The following TPH2 variants were observed in gnomAD, a reference collection of about 807,000 sequenced individuals.
TPH2 encodes tryptophan 5-hydroxylase 2.
In TPH2, 27 loss-of-function variants were observed where a neutral mutation model predicts 59.1. The observed-to-expected ratio is 0.46, with a 90% CI of 0.34 to 0.63. TPH2 has a LOEUF of 0.63. Among genes scored for constraint, TPH2 ranks in the 30% least tolerant of loss-of-function variants. TPH2 has a pLI of 0.01. For synonymous variants in TPH2, 220 were observed against 210.5 expected, an observed-to-expected ratio of 1.05 and a Z score of -0.39; for missense variants, 523 against 588.3, an observed-to-expected ratio of 0.89 and a Z score of 1.15.
At chr12:71,966,997 C>A (rs11179015) in intron 5 of TPH2, among the ~76,000 whole-genome samples, 1 of 151,990 alleles carries the variant, frequency 6.6e-6, no homozygotes, top group Admixed American at 6.6e-5. Flanking sequence ...GCTGTTGGAC[C>A]GCTGGAGGAG....
chr12:72,001,545 C>T (rs1872822560), intron 8 of TPH2, among the ~76,000 whole-genome samples: 1 of 151,766 alleles, frequency 6.6e-6, no homozygotes, highest in Non-Finnish European at 1.5e-5. Context: ...CCTGCCTCAG[C>T]CCCCCGGGTA....
chr12:71,982,930 A>C (rs1872325077), intron 7 of TPH2, among the ~76,000 whole-genome samples: 1 of 152,228 alleles, frequency 6.6e-6, no homozygotes, highest in Non-Finnish European at 1.5e-5. Context: ...TTTTAAACAT[A>C]TCTTTGACTT....
Position 72,031,803 on chromosome 12 carries a change from C to A in TPH2, c.*108C>A. On this transcript the variant is annotated 3_prime_UTR_variant, in exon 11 of 11. Coordinates refer to ENST00000333850, the MANE Select transcript of TPH2 (RefSeq NM_173353.4). ...TCTGTGTCATGGCTTGGCTAATAAG[C>A]ATGCAATTCCATATATCTATACCAT... is the stretch of plus-strand genomic sequence containing the variant. 1 of 1,236,728 alleles carries A rather than the reference C, an allele frequency of 8.1e-7. No homozygotes were observed. Among genetic ancestry groups the A allele is most frequent in the Non-Finnish European group, 1.2e-6 (1 of 844,902 alleles). The allele number at this position is 1,236,728 out of a possible 1,614,324, so 76.6% of individuals were successfully genotyped here. A position where few individuals can be genotyped will look rare whatever the true frequency, so the allele number is the denominator to read the frequency against.
intron 8 of TPH2, among the ~76,000 whole-genome samples, chr12:71,997,559 T>A (rs1008581043): frequency 5.3e-5 from 8 of 152,210 alleles, no homozygotes; most frequent in African/African-American, 1.9e-4. Context: ...GGCCTTGGGT[T>A]GCTTGAGCTC....
At position 71,951,702 on chromosome 12, in the gene TPH2, A is replaced by G. The variant is rs527366273; in HGVS notation, c.608+2047A>G. Among the ~76,000 whole-genome samples, 228 of 149,044 alleles carry G rather than the reference A, an allele frequency of 1.5e-3. 1 individual carries two copies. The highest frequency in any genetic ancestry group is 4.9e-3 in the African/African-American group (199 of 40,634). On this transcript the variant is annotated intron_variant, in intron 5 of 10. Transcript: ENST00000333850. ...ATGTTTTATGTATGTGTGTGTGTGC[A>G]TGTGTGTGTGTGTGTGTGTGTGTAT... is the stretch of plus-strand genomic sequence containing the variant.
chr12:71,940,691 A>G (rs1286831994), intron 1 of TPH2, among the ~76,000 whole-genome samples: 1 of 152,194 alleles, frequency 6.6e-6, no homozygotes, highest in African/African-American at 2.4e-5. Context: ...CTATTCCTAA[A>G]TAAAGTTTCC....
chr12:71,940,045 AT>A (rs1871014121), intron 1 of TPH2, among the ~76,000 whole-genome samples: 1 of 152,192 alleles, frequency 6.6e-6, no homozygotes, highest in Admixed American at 6.5e-5. Context: ...ATTTAAATCA[AT>A]TTGCAAAAAT....
At chr12:71,991,265 T>C (rs1872574590) in intron 7 of TPH2, among the ~76,000 whole-genome samples, 1 of 152,212 alleles carries the variant, frequency 6.6e-6, no homozygotes, top group Non-Finnish European at 1.5e-5. Context: ...GACAGAAGAC[T>C]GTCTTTTGGA....
At chr12:71,996,688 G>C (rs1013488698) in intron 8 of TPH2, among the ~76,000 whole-genome samples, 5 of 152,154 alleles carry the variant, frequency 3.3e-5, no homozygotes, top group African/African-American at 1.2e-4. Context: ...GTGCATGTGT[G>C]CATGTGAACA....
At position 72,015,135 on chromosome 12, in the gene TPH2, G is replaced by A. The variant is rs138567552; in HGVS notation, c.1069-7264G>A. ...ATTCCAACTCTAGTAGCTAGGGTAG[G>A]TGGTAAAGGGGTAAGTGGGAGCAGA... On this transcript the variant is annotated intron_variant, in intron 8 of 10. Coordinates refer to ENST00000333850, the MANE Select transcript of TPH2 (RefSeq NM_173353.4). Among the ~76,000 whole-genome samples, 136 of 152,196 alleles carry A rather than the reference G, an allele frequency of 8.9e-4. 4 individuals carry two copies. The East Asian group carries it at 0.014, about 16-fold the overall frequency.
At chr12:71,950,232 T>G (rs1268813597) in intron 5 of TPH2, among the ~76,000 whole-genome samples, 1 of 152,178 alleles carries the variant, frequency 6.6e-6, no homozygotes, top group Admixed American at 6.5e-5. Flanking sequence ...TAAGTGGCAG[T>G]GACTTTCACT....
intron 7 of TPH2, among the ~76,000 whole-genome samples, chr12:71,980,375 G>A (rs893270545): frequency 6.6e-6 from 1 of 152,114 alleles, no homozygotes; most frequent in Non-Finnish European, 1.5e-5. Context: ...AGCTTTTGAG[G>A]TTCAAGCAGT....
In TPH2 at chr12:71,944,409, A is replaced by G. The variant is rs548166835; in HGVS notation, c.371A>G (p.Gln124Arg). The change falls in exon 3 of 11, where the codon CAG (glutamine) becomes CGG (arginine). Residue 124 changes from glutamine (Q) to arginine (R), a missense_variant. Physicochemically the swap from Gln to Arg is conservative, Grantham distance 43. Transcript: ENST00000333850. Reference sequence around the variant, plus strand: ...AAAACAGAATTCAATGAGCTCATTCAGTTGCTGAAATTTCAAACCACTATT... The same window carrying G: ...AAAACAGAATTCAATGAGCTCATTCGGTTGCTGAAATTTCAAACCACTATT... Reference protein sequence around the residue: ...CGKTEFNELIQLLKFQTTIVT... With the variant: ...CGKTEFNELIRLLKFQTTIVT... 5 of 1,614,022 alleles carry G rather than the reference A, an allele frequency of 3.1e-6. 1 individual carries two copies. The African/African-American group carries it at 4.0e-5, about 13-fold the overall frequency.
At chr12:71,964,498 A>G (rs1871761371) in intron 5 of TPH2, 7 of 982,248 alleles carry the variant, frequency 7.1e-6, no homozygotes, top group Non-Finnish European at 8.5e-6. Context: ...CAGAATATAT[A>G]TATATATTCT....
At chr12:72,026,802 A>G (rs1401689047) in intron 9 of TPH2, among the ~76,000 whole-genome samples, 1 of 152,208 alleles carries the variant, frequency 6.6e-6, no homozygotes, top group Admixed American at 6.6e-5. Context: ...TAATTTAAAA[A>G]AGTGTAATGC....
intron 5 of TPH2, among the ~76,000 whole-genome samples, chr12:71,954,608 A>G (rs745683844): frequency 6.6e-6 from 1 of 152,176 alleles, no homozygotes; most frequent in Non-Finnish European, 1.5e-5. Context: ...TATGACTGCG[A>G]TGTAGTAGTT....
intron 7 of TPH2, among the ~76,000 whole-genome samples, chr12:71,981,208 C>T (rs1192516889): frequency 2.0e-5 from 3 of 152,122 alleles, no homozygotes; most frequent in Non-Finnish European, 4.4e-5. Context: ...TGTGGAGACA[C>T]GCAAGAGGCA....
Position 71,941,852 on chromosome 12 carries a change from G to C in TPH2, c.255+119G>C, listed in dbSNP as rs41317136. ...TGGATAATGTGGTGAAAGATTCAAA[G>C]GAACCAAACTTCGTGAGGCTTTAAA... On this transcript the variant is annotated intron_variant, in intron 2 of 10. Transcript: ENST00000333850. 1.5e-3 allele frequency: 1,739 copies of C among 1,170,924 alleles called. 21 individuals are homozygous for C. Among genetic ancestry groups the C allele is most frequent in the East Asian group, 0.014 (598 of 42,346 alleles). The allele number at this position is 1,170,924 out of a possible 1,614,324, so 72.5% of individuals were successfully genotyped here.
intron 7 of TPH2, among the ~76,000 whole-genome samples, chr12:71,980,671 G>T (rs1453071621): frequency 1.3e-5 from 2 of 152,110 alleles, no homozygotes; most frequent in East Asian, 1.9e-4. Context: ...AGCCCAGAGG[G>T]TTTACCAATG....
Sources: allele counts gnomAD v4.1 joint callset (sites outside exome capture counted in the v4.1 genomes callset), GRCh38; gene constraint gnomAD v4.1.1; transcripts MANE v1.5; gene names NCBI Gene and HGNC (gene_info 2026-07-23, HGNC 2026-07-21).